Variants in DLG2 observed in about 807,000 individuals in gnomAD.
The protein encoded by DLG2 is disks large homolog 2.
A neutral mutation model predicts 132.5 loss-of-function variants in DLG2; 45 were observed. The ratio of observed to expected loss-of-function variants is 0.34; its 90% confidence interval spans 0.27 to 0.44. The LOEUF is 0.44. DLG2 is among the 20% of genes least tolerant of loss of function. The pLI, the probability that DLG2 is intolerant of heterozygous loss-of-function variation, is 1.00. For synonymous variants in DLG2, 424 were observed against 419.6 expected, an observed-to-expected ratio of 1.01 and a Z score of -0.13; for missense variants, 1,045 against 1,196.9, an observed-to-expected ratio of 0.87 and a Z score of 1.87.
intron 15 of DLG2, among the ~76,000 whole-genome samples, chr11:83,887,405 G>A (rs1304120465): frequency 1.3e-5 from 2 of 152,066 alleles, no homozygotes; most frequent in Admixed American, 6.5e-5. Flanking sequence ...CCAGGAAGAA[G>A]TTGAATCTCT....
intron 6 of DLG2, among the ~76,000 whole-genome samples, chr11:84,789,520 G>C (rs1246953209): frequency 1.3e-5 from 2 of 152,014 alleles, no homozygotes; most frequent in African/African-American, 4.8e-5. Flanking sequence ...GGTAAATGAA[G>C]TATCTATCCC....
At chr11:83,703,560 A>C (rs1302278874) in intron 18 of DLG2, among the ~76,000 whole-genome samples, 1 of 152,154 alleles carries the variant, frequency 6.6e-6, no homozygotes, top group Non-Finnish European at 1.5e-5. Flanking sequence ...GAGACAGGAA[A>C]ATTGCTTGAA....
chr11:83,719,339 T>G (rs1021158616), intron 18 of DLG2, among the ~76,000 whole-genome samples: 5 of 152,206 alleles, frequency 3.3e-5, no homozygotes, highest in African/African-American at 1.2e-4. Flanking sequence ...TTGAGAGATT[T>G]GAACATACCT....
At chr11:85,160,341 G>A (rs1291039139) in intron 4 of DLG2, among the ~76,000 whole-genome samples, 1 of 152,214 alleles carries the variant, frequency 6.6e-6, no homozygotes, top group Non-Finnish European at 1.5e-5. Context: ...GATGTCAGGG[G>A]CAGATAGGGA....
At chr11:83,906,284 C>T (rs866779662) in intron 15 of DLG2, among the ~76,000 whole-genome samples, 1 of 142,676 alleles carries the variant, frequency 7.0e-6, no homozygotes, top group Non-Finnish European at 1.5e-5. Context: ...CACACACACA[C>T]ACACACACAC....
At chr11:85,272,062 T>A (rs2077566587) in intron 4 of DLG2, among the ~76,000 whole-genome samples, 1 of 152,204 alleles carries the variant, frequency 6.6e-6, no homozygotes. Flanking sequence ...GTAGTTCCCA[T>A]AATTCCCATG....
At chr11:85,168,994 T>C (rs1265850010) in intron 4 of DLG2, among the ~76,000 whole-genome samples, 1 of 151,958 alleles carries the variant, frequency 6.6e-6, no homozygotes, top group East Asian at 1.9e-4. Flanking sequence ...CCATGTGGAG[T>C]TGGTTCCAGA....
intron 19 of DLG2, among the ~76,000 whole-genome samples, chr11:83,578,042 T>TTATG (rs374634525): frequency 9.8e-5 from 13 of 132,474 alleles, no homozygotes; most frequent in African/African-American, 3.4e-4. Context: ...GGGGTTTATT[T>TTATG]TGTGTGTGTG....
chr11:85,025,125 C>A lies in DLG2; in HGVS notation c.357+86536G>T, dbSNP rs143960171. On this transcript the variant is annotated intron_variant, in intron 6 of 27. Transcript: ENST00000376104. ...GAAGCATTTTTAAATTAAACGTATT[C>A]TATAATTGTAGATAAATTTTCCATT... 3.2e-3 allele frequency among the ~76,000 whole-genome samples: 491 copies of A among 152,268 alleles called. 1 individual carries two copies. Among genetic ancestry groups the A allele is most frequent in the African/African-American group, 0.011 (448 of 41,562 alleles).
At chr11:84,241,860 C>T (rs767044142) in intron 8 of DLG2, among the ~76,000 whole-genome samples, 31 of 152,134 alleles carry the variant, frequency 2.0e-4, no homozygotes, top group African/African-American at 5.8e-4. Flanking sequence ...TTTTTTGGTT[C>T]CACTCTCAGA....
At chr11:84,735,120 C>G (rs920811501) in intron 6 of DLG2, among the ~76,000 whole-genome samples, 7 of 152,000 alleles carry the variant, frequency 4.6e-5, no homozygotes, top group Admixed American at 3.9e-4. Context: ...CTGTCTCTGC[C>G]ATGCTTTGGT....
rs1390627989 is a variant in DLG2, at chr11:84,472,770, G to A, written c.519+61800C>T. ...AGGTTGTGAGAATATGACCATACCA[G>A]CAACTGAAAATATATTTCTGATAAA... is the stretch of plus-strand genomic sequence containing the variant. On this transcript the variant is annotated intron_variant, in intron 7 of 27. Coordinates refer to ENST00000376104, the MANE Select transcript of DLG2 (RefSeq NM_001142699.3). Among the ~76,000 whole-genome samples the A allele has an allele frequency of 1.3e-5, 2 of 151,738 alleles. 1 individual carries two copies. Among genetic ancestry groups the A allele is most frequent in the Admixed American group, 1.3e-4 (2 of 15,188 alleles).
intron 6 of DLG2, among the ~76,000 whole-genome samples, chr11:85,015,476 A>G (rs991061138): frequency 6.6e-6 from 1 of 151,912 alleles, no homozygotes; most frequent in Non-Finnish European, 1.5e-5. Context: ...TAGCTGTGAC[A>G]AGTTTCTGTT....
At chr11:84,302,158 T>C (rs972123438) in intron 7 of DLG2, among the ~76,000 whole-genome samples, 10 of 151,962 alleles carry the variant, frequency 6.6e-5, no homozygotes, top group African/African-American at 2.2e-4. Context: ...TGAGAACACA[T>C]GGACACAGGG....
intron 3 of DLG2, among the ~76,000 whole-genome samples, chr11:85,313,677 C>T (rs951495672): frequency 2.6e-5 from 4 of 151,930 alleles, no homozygotes; most frequent in South Asian, 2.1e-4. Context: ...GTGAATGAAC[C>T]TATTTATTCA....
intron 5 of DLG2, among the ~76,000 whole-genome samples, chr11:85,146,901 C>A (rs1054076217): frequency 5.3e-5 from 8 of 152,276 alleles, no homozygotes; most frequent in African/African-American, 1.9e-4. Context: ...AGGTTCCTAC[C>A]ACTGGGGTGG....
At chr11:83,710,343 A>T (rs866775946) in intron 18 of DLG2, among the ~76,000 whole-genome samples, 6 of 151,812 alleles carry the variant, frequency 4.0e-5, no homozygotes, top group Admixed American at 6.6e-5. Context: ...TTTATTTTTG[A>T]TACAGACAGG....
At chr11:85,263,329 T>C (rs1245641059) in intron 4 of DLG2, among the ~76,000 whole-genome samples, 2 of 152,200 alleles carry the variant, frequency 1.3e-5, no homozygotes, top group African/African-American at 4.8e-5. Context: ...GCTGGCTCTC[T>C]TCATGGGAGA....
chr11:83,622,174 C>T (rs1234023011), intron 19 of DLG2, among the ~76,000 whole-genome samples: 1 of 152,112 alleles, frequency 6.6e-6, no homozygotes, highest in South Asian at 2.1e-4. Context: ...GTTATCTGCC[C>T]ACCCCAGCCT....
Sources: gnomAD v4.1 joint callset for allele counts (sites outside exome capture counted in the v4.1 genomes callset) on GRCh38, gnomAD v4.1.1 for gene constraint, MANE v1.5 for transcripts, NCBI Gene and HGNC (gene_info 2026-07-23, HGNC 2026-07-21) for gene names.